Variants in ABCB5 observed in about 807,000 individuals in gnomAD.
ABCB5 encodes the protein ATP-binding cassette sub-family B member 5.
A neutral mutation model predicts 144.2 loss-of-function variants in ABCB5; 155 were observed. The ratio of observed to expected loss-of-function variants is 1.08; its 90% confidence interval spans 0.94 to 1.23. The LOEUF (loss-of-function observed/expected upper bound fraction) is 1.23, where lower values mean the gene tolerates loss of function less well. ABCB5 is among the 50% of genes most tolerant of loss of function. The pLI is 0.00. For missense variants in ABCB5, 1,830 were observed against 1,520.8 expected, an observed-to-expected ratio of 1.20 and a Z score of -3.38; for synonymous variants, 610 against 528.6, an observed-to-expected ratio of 1.15 and a Z score of -2.11.
At chr7:20,711,853 C>CTTTCT (rs1787073650) in intron 20 of ABCB5, among the ~76,000 whole-genome samples, 1 of 71,750 alleles carries the variant, frequency 1.4e-5, no homozygotes, top group Non-Finnish European at 2.6e-5. Context: ...TCTTTTCTTT[C>CTTTCT]TTTCTTTCCT....
At chr7:20,746,442 G>A (rs1023908333) in intron 26 of ABCB5, among the ~76,000 whole-genome samples, 1 of 152,166 alleles carries the variant, frequency 6.6e-6, no homozygotes, top group Non-Finnish European at 1.5e-5. Context: ...TACCTTTGCA[G>A]AGGCTTTCCC....
chr7:20,628,435 T>A (rs1479666001), intron 3 of ABCB5, among the ~76,000 whole-genome samples: 1 of 152,218 alleles, frequency 6.6e-6, no homozygotes, highest in Non-Finnish European at 1.5e-5. Context: ...TGGTTCCAAG[T>A]CTGCTATTGT....
intron 16 of ABCB5, among the ~76,000 whole-genome samples, chr7:20,687,404 T>C (rs1786038476): frequency 6.6e-6 from 1 of 152,098 alleles, no homozygotes; most frequent in East Asian, 1.9e-4. Context: ...AAATATAAAA[T>C]GAGAAAAAAC....
intron 23 of ABCB5, among the ~76,000 whole-genome samples, chr7:20,731,369 A>AAAAAAAT (rs57305244): frequency 2.7e-4 from 33 of 123,072 alleles, no homozygotes; most frequent in African/African-American, 1.1e-3. Context: ...AAAAAAAAAA[A>AAAAAAAT]ATATATATAT....
At chr7:20,679,288 T>G (rs781432727) in intron 14 of ABCB5, among the ~76,000 whole-genome samples, 5 of 151,558 alleles carry the variant, frequency 3.3e-5, no homozygotes, top group Non-Finnish European at 5.9e-5. Flanking sequence ...GCCAACATGG[T>G]AAAACCCCAT....
intron 2 of ABCB5, among the ~76,000 whole-genome samples, chr7:20,624,108 C>T (rs1783858049): frequency 3.3e-5 from 5 of 152,130 alleles, no homozygotes; most frequent in Admixed American, 3.3e-4. Context: ...TTCTAAGCAC[C>T]TTTTCCTCAT....
chr7:20,632,635 G>C (rs1008402412), intron 5 of ABCB5, among the ~76,000 whole-genome samples: 6 of 152,010 alleles, frequency 3.9e-5, no homozygotes, highest in Non-Finnish European at 8.8e-5. Context: ...TGATAGACTG[G>C]ATTAAGAGAA....
chr7:20,700,146 A>T lies in ABCB5; in HGVS notation c.2337+11A>T, dbSNP rs1786569462. 6.8e-7 allele frequency: 1 copy of T among 1,481,132 alleles called. No individual in the cohort carries two copies. The highest frequency in any genetic ancestry group is 1.2e-5 in the South Asian group (1 of 80,230). The allele number at this position is 1,481,132 out of a possible 1,614,324, so 91.7% of individuals were successfully genotyped here. On this transcript the variant is annotated intron_variant, in intron 19 of 27. Coordinates refer to ENST00000404938, the MANE Select transcript of ABCB5 (RefSeq NM_001163941.2). ...GCCATGTTATATCAGGTCAGTGATA[A>T]GTTGATTTTTTTTTTATTTTATTTA...
chr7:20,715,944 T>C (rs1781662367), intron 20 of ABCB5, among the ~76,000 whole-genome samples: 1 of 152,006 alleles, frequency 6.6e-6, no homozygotes, highest in Non-Finnish European at 1.5e-5. Flanking sequence ...GGTATCGAAC[T>C]CCTGACCTCT....
At chr7:20,691,418 T>C (rs1420622070) in intron 16 of ABCB5, among the ~76,000 whole-genome samples, 2 of 151,776 alleles carry the variant, frequency 1.3e-5, no homozygotes, top group African/African-American at 2.4e-5. Context: ...GAGGTTCTCC[T>C]TTGAGTCTTC....
intron 9 of ABCB5, among the ~76,000 whole-genome samples, chr7:20,646,981 A>T (rs1017707665): frequency 6.6e-6 from 1 of 152,222 alleles, no homozygotes; most frequent in African/African-American, 2.4e-5. Context: ...CATCTATATG[A>T]TAGGAGTAAG....
chr7:20,702,493 G>A (rs767351569), intron 19 of ABCB5, among the ~76,000 whole-genome samples: 1 of 151,966 alleles, frequency 6.6e-6, no homozygotes, highest in African/African-American at 2.4e-5. Flanking sequence ...CAAAATAATT[G>A]ATTAAGAACT....
chr7:20,651,658 T>C (rs994038355), intron 13 of ABCB5, 35 bp downstream of exon 13: 2 of 1,601,344 alleles, frequency 1.2e-6, no homozygotes, highest in Non-Finnish European at 1.7e-6. Context: ...CCTTAGCTTA[T>C]GGTGGCAGCG....
At chr7:20,659,976 G>T (rs367909470) in intron 14 of ABCB5, 2 of 985,346 alleles carry the variant, frequency 2.0e-6, no homozygotes, top group Admixed American at 6.1e-5. Context: ...GCGTCTCCGC[G>T]CCCGGCCAGT....
At chr7:20,677,660 T>C (rs1583418758) in intron 14 of ABCB5, among the ~76,000 whole-genome samples, 1 of 151,830 alleles carries the variant, frequency 6.6e-6, no homozygotes, top group Middle Eastern at 3.4e-3. Context: ...ACCCGGGAGG[T>C]GGAGGTTGCA....
chr7:20,619,360 A>T (rs2128015573), intron 1 of ABCB5, among the ~76,000 whole-genome samples: 1 of 151,764 alleles, frequency 6.6e-6, no homozygotes, highest in African/African-American at 2.4e-5. Context: ...TTATTTTTTG[A>T]CTTTTTGATA....
chr7:20,754,250 T>A (rs923346420), intron 27 of ABCB5, among the ~76,000 whole-genome samples: 2 of 152,212 alleles, frequency 1.3e-5, no homozygotes, highest in African/African-American at 4.8e-5. Flanking sequence ...ATGGAGGGTA[T>A]CTGACCTAAG....
At chr7:20,714,493 C>A (rs1781606707) in intron 20 of ABCB5, among the ~76,000 whole-genome samples, 3 of 151,996 alleles carry the variant, frequency 2.0e-5, no homozygotes, top group African/African-American at 7.3e-5. Context: ...TCCTTCAATT[C>A]TTGTAGTACT....
At chr7:20,717,820 T>C (rs13244378) in intron 20 of ABCB5, among the ~76,000 whole-genome samples, 1 of 150,084 alleles carries the variant, frequency 6.7e-6, no homozygotes. Context: ...ATTATCCCTG[T>C]ATCTATAATT....
Sources: gnomAD v4.1 joint callset for allele counts (sites outside exome capture counted in the v4.1 genomes callset) on GRCh38, gnomAD v4.1.1 for gene constraint, MANE v1.5 for transcripts, NCBI Gene and HGNC (gene_info 2026-07-23, HGNC 2026-07-21) for gene names.